The following ZFHX3 variants were observed in gnomAD, a reference collection of about 807,000 sequenced individuals.
The protein encoded by ZFHX3 is zinc finger homeobox protein 3.
A neutral mutation model predicts 279.1 loss-of-function variants in ZFHX3; 42 were observed. The observed-to-expected ratio is 0.15, with a 90% CI of 0.12 to 0.19. ZFHX3 has a LOEUF of 0.19. Among genes scored for constraint, ZFHX3 ranks in the 10% least tolerant of loss-of-function variants. The pLI, the probability that ZFHX3 is intolerant of heterozygous loss-of-function variation, is 1.00. For missense variants in ZFHX3, 4,981 were observed against 4,754.0 expected (o/e 1.05, Z -1.40); for synonymous variants, 2,293 against 1,957.8 (o/e 1.17, Z -4.52).
intron 4 of ZFHX3, among the ~76,000 whole-genome samples, chr16:73,278,626 C>T (rs1458466455): frequency 1.3e-5 from 2 of 152,138 alleles, no homozygotes; most frequent in Non-Finnish European, 2.9e-5. Context: ...CTTATCTGTC[C>T]CCACCCACGT....
intron 8 of ZFHX3, among the ~76,000 whole-genome samples, chr16:73,070,051 G>A (rs767317143): frequency 4.6e-5 from 7 of 152,018 alleles, no homozygotes; most frequent in Non-Finnish European, 7.4e-5. Flanking sequence ...AAAGTGCCCC[G>A]AACTCCTGCC....
chr16:73,014,529 T>C (rs1052950085), intron 1 of ZFHX3: 8 of 133,266 alleles, frequency 6.0e-5, no homozygotes, highest in Non-Finnish European at 8.1e-5. Flanking sequence ...TTTTTTTTTT[T>C]TTTTTTTTTT....
chr16:72,867,356 C>T (rs1171047842), intron 4 of ZFHX3, among the ~76,000 whole-genome samples: 1 of 152,326 alleles, frequency 6.6e-6, no homozygotes, highest in South Asian at 2.1e-4. Flanking sequence ...GCACTTTACG[C>T]AATGGAGAAG....
intron 1 of ZFHX3, among the ~76,000 whole-genome samples, chr16:73,770,484 T>C (rs1244461174): frequency 6.6e-6 from 1 of 152,182 alleles, no homozygotes; most frequent in Non-Finnish European, 1.5e-5. Context: ...ACCACAGAAA[T>C]GAAAACACCA....
chr16:73,842,443 C>A (rs1961335168), intron 1 of ZFHX3, among the ~76,000 whole-genome samples: 2 of 152,054 alleles, frequency 1.3e-5, no homozygotes, highest in South Asian at 4.2e-4. Context: ...AGGTAAACCA[C>A]ACATGGCCAG....
intron 4 of ZFHX3, among the ~76,000 whole-genome samples, chr16:72,849,089 A>G (rs182213127): frequency 1.3e-5 from 2 of 151,992 alleles, no homozygotes; most frequent in Admixed American, 1.3e-4. Flanking sequence ...GATGTTAATT[A>G]CTTTACCACT....
chr16:72,897,866 G>GA (rs141878813), intron 3 of ZFHX3, among the ~76,000 whole-genome samples: 21,601 of 152,190 alleles, frequency 0.14, 2,086 homozygotes, highest in Non-Finnish European at 0.21. Flanking sequence ...GAGCATGGAG[G>GA]AAACAGGACC....
intron 1 of ZFHX3, among the ~76,000 whole-genome samples, chr16:72,984,744 C>T (rs180676392): frequency 4.6e-5 from 7 of 152,124 alleles, no homozygotes; most frequent in African/African-American, 9.6e-5. Flanking sequence ...ATGTTGAGGA[C>T]CCCGTGATGG....
intron 2 of ZFHX3, among the ~76,000 whole-genome samples, chr16:73,580,022 A>T (rs927275640): frequency 1.3e-5 from 2 of 149,168 alleles, no homozygotes; most frequent in African/African-American, 4.9e-5. Flanking sequence ...TATAAAAATT[A>T]TCCTTGGACA....
chr16:73,539,433 C>T (rs201473291), intron 2 of ZFHX3, among the ~76,000 whole-genome samples: 69 of 65,030 alleles, frequency 1.1e-3, no homozygotes, highest in Non-Finnish European at 1.0e-3. Flanking sequence ...TCCTCTTCTT[C>T]TTTTTTTTTT....
intron 1 of ZFHX3, among the ~76,000 whole-genome samples, chr16:73,700,905 A>T (rs1262529692): frequency 2.0e-5 from 3 of 152,250 alleles, no homozygotes; most frequent in Non-Finnish European, 1.5e-5. Flanking sequence ...TGTGAGCAAC[A>T]TCTTTGGTCA....
In ZFHX3 at chr16:72,786,744, C is replaced by A. The variant is rs2035392714; in HGVS notation, c.*420G>T. On this transcript the variant is annotated 3_prime_UTR_variant, in exon 10 of 10. Transcript: ENST00000268489. ...TGCTAAGATAGCAAGAAATTTAAAA[C>A]TGTAACAAGGTGGACTGCTTTCCCA... 1 of 152,564 alleles carries A rather than the reference C, an allele frequency of 6.6e-6. No individual in the cohort carries two copies. Among genetic ancestry groups the A allele is most frequent in the African/African-American group, 2.4e-5 (1 of 41,378 alleles). The allele number at this position is 152,564 out of a possible 1,614,324, so 9.5% of individuals were successfully genotyped here.
At chr16:73,518,061 A>G (rs11647785) in intron 2 of ZFHX3, among the ~76,000 whole-genome samples, 56,463 of 152,078 alleles carry the variant, frequency 0.37, 12,099 homozygotes, top group East Asian at 0.62. Context: ...CTTTGGTGCT[A>G]AGTTTTTGAA....
chr16:73,608,445 T>C (rs1191526367), intron 2 of ZFHX3, among the ~76,000 whole-genome samples: 3 of 152,192 alleles, frequency 2.0e-5, no homozygotes, highest in African/African-American at 7.2e-5. Context: ...AAGGAACAGA[T>C]TACAAATACA....
intron 7 of ZFHX3, among the ~76,000 whole-genome samples, chr16:73,129,902 TTTAA>T (rs112118854): frequency 5.8e-4 from 88 of 152,246 alleles, no homozygotes; most frequent in African/African-American, 2.0e-3. Flanking sequence ...TAAATATGGT[TTTAA>T]TTAACCATCC....
intron 3 of ZFHX3, among the ~76,000 whole-genome samples, chr16:73,319,111 A>C (rs1405488210): frequency 4.4e-5 from 6 of 136,022 alleles, no homozygotes; most frequent in South Asian, 5.3e-4. Flanking sequence ...GAGGTGTGGA[A>C]TGGGGGGGGC....
intron 1 of ZFHX3, among the ~76,000 whole-genome samples, chr16:73,797,677 T>G (rs976942187): frequency 6.6e-6 from 1 of 152,208 alleles, no homozygotes; most frequent in Middle Eastern, 3.4e-3. Flanking sequence ...GAAAGAACCA[T>G]GGGTAAGTCA....
At chr16:72,978,111 C>T (rs1247066438) in intron 1 of ZFHX3, among the ~76,000 whole-genome samples, 1 of 152,114 alleles carries the variant, frequency 6.6e-6, no homozygotes, top group Non-Finnish European at 1.5e-5. Flanking sequence ...GTGACCTGCC[C>T]GCCTCATCCT....
At chr16:72,931,022 T>C (rs951277202) in intron 3 of ZFHX3, among the ~76,000 whole-genome samples, 12 of 152,246 alleles carry the variant, frequency 7.9e-5, no homozygotes, top group African/African-American at 2.7e-4. Flanking sequence ...TTATTGCCAC[T>C]GATTTGCATT....
Sources: gnomAD v4.1 joint callset for allele counts (sites outside exome capture counted in the v4.1 genomes callset) on GRCh38, gnomAD v4.1.1 for gene constraint, MANE v1.5 for transcripts, NCBI Gene and HGNC (gene_info 2026-07-23, HGNC 2026-07-21) for gene names.